The following LOC400499 variants were observed in gnomAD, a reference collection of about 807,000 sequenced individuals.
the LOC400499 span, among the ~76,000 whole-genome samples, chr16:11,525,256 T>A: frequency 7.3e-5 from 11 of 149,752 alleles, no homozygotes; most frequent in African/African-American, 2.7e-4. Context: ...GGTGCGATCG[T>A]ATTCCAGCCT....
chr16:11,492,161 T>C, the LOC400499 span, among the ~76,000 whole-genome samples: 63 of 152,284 alleles, frequency 4.1e-4, no homozygotes, highest in East Asian at 6.0e-3. Flanking sequence ...ACAGGAGGCC[T>C]TTAAATGTCT....
chr16:11,430,556 AATAAT>A, the LOC400499 span, among the ~76,000 whole-genome samples: 11 of 152,204 alleles, frequency 7.2e-5, no homozygotes, highest in Middle Eastern at 3.2e-3. Context: ...TCAGGAATAA[AATAAT>A]ATGTTAAATA....
chr16:11,518,564 T>G, the LOC400499 span, among the ~76,000 whole-genome samples: 1 of 152,028 alleles, frequency 6.6e-6, no homozygotes, highest in Non-Finnish European at 1.5e-5. Flanking sequence ...GTGTGAAATC[T>G]GGACATGCTG....
At chr16:11,395,725 G>A in the LOC400499 span, among the ~76,000 whole-genome samples, 4 of 152,330 alleles carry the variant, frequency 2.6e-5, no homozygotes, top group Non-Finnish European at 2.9e-5. Context: ...GAAGACTGAG[G>A]CTCAGCAAAC....
the LOC400499 span, chr16:11,417,948 C>T: frequency 1.0e-4 from 41 of 397,540 alleles, no homozygotes; most frequent in African/African-American, 6.8e-4. Context: ...CCATCCACGT[C>T]GCTGTGATGG....
the LOC400499 span, among the ~76,000 whole-genome samples, chr16:11,525,378 C>T: frequency 6.6e-6 from 1 of 151,504 alleles, no homozygotes; most frequent in South Asian, 2.1e-4. Flanking sequence ...ATTTTGTTTA[C>T]ACCCTTTAAA....
At chr16:11,446,891 T>C in the LOC400499 span, 2 of 1,535,448 alleles carry the variant, frequency 1.3e-6, no homozygotes, top group South Asian at 2.4e-5. Context: ...CTCTGCGGGA[T>C]GGGCAGGTGC....
At chr16:11,438,760 G>A in the LOC400499 span, among the ~76,000 whole-genome samples, 53 of 152,030 alleles carry the variant, frequency 3.5e-4, no homozygotes, top group East Asian at 8.7e-3. Context: ...CTGCACTTCA[G>A]CCCAGCTAAC....
At chr16:11,509,010 C>T in the LOC400499 span, among the ~76,000 whole-genome samples, 22 of 152,146 alleles carry the variant, frequency 1.4e-4, no homozygotes, top group Non-Finnish European at 2.4e-4. Flanking sequence ...ATCATAGCAG[C>T]GTCATTGCAA....
chr16:11,468,655 T>A, the LOC400499 span, among the ~76,000 whole-genome samples: 1 of 152,006 alleles, frequency 6.6e-6, no homozygotes, highest in Non-Finnish European at 1.5e-5. Flanking sequence ...TGAGACAGAG[T>A]CTCGCTCTGT....
At chr16:11,421,374 T>A in the LOC400499 span, among the ~76,000 whole-genome samples, 1 of 151,966 alleles carries the variant, frequency 6.6e-6, no homozygotes, top group Non-Finnish European at 1.5e-5. Flanking sequence ...GCTGATAAGT[T>A]TTATGTGGTC....
the LOC400499 span, among the ~76,000 whole-genome samples, chr16:11,474,152 C>T: frequency 3.3e-4 from 50 of 152,240 alleles, no homozygotes; most frequent in African/African-American, 1.1e-3. Context: ...AGCTATCCGC[C>T]GGCCAGATAG....
chr16:11,401,233 C>A, the LOC400499 span: 3 of 399,120 alleles, frequency 7.5e-6, no homozygotes, highest in East Asian at 1.1e-4. Context: ...ACCTCCAGCC[C>A]CGGCCAAGGG....
At chr16:11,485,143 G>A in the LOC400499 span, 1 of 398,536 alleles carries the variant, frequency 2.5e-6, no homozygotes, top group East Asian at 3.6e-5. Flanking sequence ...CTGTTAGGCT[G>A]GGGATATGAA....
the LOC400499 span, among the ~76,000 whole-genome samples, chr16:11,403,277 G>T: frequency 8.5e-5 from 13 of 152,296 alleles, no homozygotes; most frequent in Non-Finnish European, 1.5e-4. Context: ...GCATCACCCA[G>T]TCATTGGTTC....
At chr16:11,493,300 TAACACCTAAGTGAG>T in the LOC400499 span, among the ~76,000 whole-genome samples, 2 of 152,194 alleles carry the variant, frequency 1.3e-5, no homozygotes, top group Admixed American at 1.3e-4. Context: ...CAGCCATAGA[TAACACCTAAGTGAG>T]TGGGCATGCC....
At chr16:11,460,889 G>A in the LOC400499 span, 84 of 1,442,862 alleles carry the variant, frequency 5.8e-5, no homozygotes, top group African/African-American at 9.3e-4. Flanking sequence ...CTCAGCTCAC[G>A]GAGCCACAGC....
the LOC400499 span, chr16:11,456,938 C>T: frequency 1.1e-4 from 175 of 1,536,308 alleles, no homozygotes; most frequent in Non-Finnish European, 1.4e-4. Context: ...CATTGTACTG[C>T]ACCTTCAGGT....
At chr16:11,437,769 G>A in the LOC400499 span, among the ~76,000 whole-genome samples, 13 of 151,932 alleles carry the variant, frequency 8.6e-5, no homozygotes, top group East Asian at 3.9e-4. Context: ...CTTGGGAGGC[G>A]GAGGCACAAG....
Sources: allele counts gnomAD v4.1 joint callset (sites outside exome capture counted in the v4.1 genomes callset), GRCh38; gene constraint gnomAD v4.1.1; transcripts MANE v1.5.